ARHGEF10L: variants seen among roughly 807,000 people sequenced by gnomAD.
The protein encoded by ARHGEF10L is Rho guanine nucleotide exchange factor 10 like.
In ARHGEF10L, 69 loss-of-function variants were observed where a neutral mutation model predicts 141.2. That is an observed-to-expected ratio of 0.49 (90% CI 0.40 to 0.60). The LOEUF is 0.60. Ranked by LOEUF, ARHGEF10L falls within the 20% of genes least tolerant of loss-of-function variation. The probability of loss-of-function intolerance (pLI) is 0.00; values close to 1 mark genes in which losing one functional copy is unlikely to be tolerated. For synonymous variants in ARHGEF10L, 711 were observed against 718.5 expected (o/e 0.99, Z 0.17); for missense variants, 1,482 against 1,734.3 (o/e 0.85, Z 2.58).
chr1:17,659,029 G>A (rs1376532783), intron 25 of ARHGEF10L, among the ~76,000 whole-genome samples: 2 of 152,172 alleles, frequency 1.3e-5, no homozygotes, highest in Non-Finnish European at 2.9e-5. Flanking sequence ...AAGTGGCACT[G>A]GGCGTGACCC....
chr1:17,524,400 CACACACACACA>C, the ARHGEF10L span, among the ~76,000 whole-genome samples: 3 of 150,188 alleles, frequency 2.0e-5, no homozygotes, highest in Admixed American at 6.6e-5. Context: ...CACACACACA[CACACACACACA>C]CACACACACA....
At chr1:17,546,495 A>G (rs2076920361) in intron 1 of ARHGEF10L, among the ~76,000 whole-genome samples, 1 of 152,142 alleles carries the variant, frequency 6.6e-6, no homozygotes. Context: ...TCGATGAGGA[A>G]ATTGAGTCTC....
chr1:17,676,395 G>A (rs1212433422), intron 26 of ARHGEF10L, among the ~76,000 whole-genome samples: 2 of 148,786 alleles, frequency 1.3e-5, no homozygotes, highest in African/African-American at 5.0e-5. Context: ...TGCAGGTGTG[G>A]GTACAGGTGT....
chr1:17,530,496 A>T, the ARHGEF10L span, among the ~76,000 whole-genome samples: 1 of 152,110 alleles, frequency 6.6e-6, no homozygotes, highest in South Asian at 2.1e-4. Context: ...ATCAGCTGTT[A>T]TTGTCATTAT....
chr1:17,692,611 C>A (rs911151905), intron 27 of ARHGEF10L, among the ~76,000 whole-genome samples: 1 of 152,298 alleles, frequency 6.6e-6, no homozygotes, highest in South Asian at 2.1e-4. Flanking sequence ...CTCACTGCCG[C>A]CGCCCTTCCC....
chr1:17,517,276 G>A, the ARHGEF10L span, among the ~76,000 whole-genome samples: 33 of 152,306 alleles, frequency 2.2e-4, 1 homozygote, highest in East Asian at 6.0e-3. Context: ...TATAAAAAAG[G>A]GGAAATCTTG....
At chr1:17,681,405 A>T (rs2064118754) in intron 26 of ARHGEF10L, among the ~76,000 whole-genome samples, 1 of 152,164 alleles carries the variant, frequency 6.6e-6, no homozygotes, top group Admixed American at 6.5e-5. Flanking sequence ...TACTCCCCCA[A>T]ATGCCATCCA....
At position 17,627,578 on chromosome 1, in the gene ARHGEF10L, C is replaced by A; in HGVS notation, c.1584+75C>A. ...TGCTCCTGCCCGTGCCCCTGCCCCA[C>A]GCCACCCACACTAGGTGGCAGTGTT... On this transcript the variant is annotated intron_variant, in intron 15 of 28. Transcript: ENST00000361221. This position sits in a 1 kb window ranked among gnomAD's most constrained non-coding sequence, Gnocchi z 4.0. The A allele has an allele frequency of 6.6e-7, 1 of 1,525,868 alleles. No homozygotes were observed. Among genetic ancestry groups the A allele is most frequent in the Non-Finnish European group, 8.9e-7 (1 of 1,129,376 alleles). The allele number at this position is 1,525,868 out of a possible 1,614,324, so 94.5% of individuals were successfully genotyped here. A position where few individuals can be genotyped will look rare whatever the true frequency, so the allele number is the denominator to read the frequency against.
At chr1:17,667,631 A>G (rs1187596123) in intron 26 of ARHGEF10L, among the ~76,000 whole-genome samples, 1 of 152,232 alleles carries the variant, frequency 6.6e-6, no homozygotes, top group Non-Finnish European at 1.5e-5. Context: ...CCAAGGAAGA[A>G]TCTTTTAATG....
In ARHGEF10L at chr1:17,601,069, C is replaced by CAAA. The variant is rs1363064745; in HGVS notation, c.258-1054_258-1052dup. Among the ~76,000 whole-genome samples the CAAA allele has an allele frequency of 8.3e-4, 109 of 130,946 alleles. 2 individuals are homozygous for CAAA. Among genetic ancestry groups the CAAA allele is most frequent in the African/African-American group, 3.1e-3 (104 of 33,296 alleles). 85.9% of individuals were successfully genotyped at this position (130,946 alleles called of 152,430 possible). ...TGTCTCAAAAAAAAAAAAAAAAAAA[C>CAAA]AAAAAACAAAAAACTCTAAAAAAAC... On this transcript the variant is annotated intron_variant, in intron 4 of 28. Transcript: ENST00000361221.
At chr1:17,590,122 CT>C (rs2079402764) in intron 4 of ARHGEF10L, among the ~76,000 whole-genome samples, 1 of 152,122 alleles carries the variant, frequency 6.6e-6, no homozygotes, top group Admixed American at 6.5e-5. Context: ...TAAGTAGATG[CT>C]CATTCAGAAG....
At chr1:17,579,076 G>A (rs746579017) in intron 1 of ARHGEF10L, among the ~76,000 whole-genome samples, 4 of 151,910 alleles carry the variant, frequency 2.6e-5, no homozygotes, top group Admixed American at 1.3e-4. Context: ...ACTGGAGTGC[G>A]GTGGCACGGT....
rs575258759 is a variant in ARHGEF10L at position 17,575,067 on chromosome 1, G to C, written c.-43-5486G>C. Among the ~76,000 whole-genome samples the C allele has an allele frequency of 2.6e-5, 4 of 152,332 alleles. No individual in the cohort carries two copies. The South Asian group carries it at 6.2e-4, about 24-fold the overall frequency. On this transcript the variant is annotated intron_variant, in intron 1 of 28. Coordinates refer to ENST00000361221, the MANE Select transcript of ARHGEF10L (RefSeq NM_018125.4). ...TGGTTCCATGCTGGGTGGGTCCCAAGCAGGGGAAGGTCTCAGCTGTTGTCT... is the reference window on the plus strand; with the variant it reads ...TGGTTCCATGCTGGGTGGGTCCCAACCAGGGGAAGGTCTCAGCTGTTGTCT...
chr1:17,633,275 C>T (rs2060810693), intron 16 of ARHGEF10L, among the ~76,000 whole-genome samples: 1 of 152,218 alleles, frequency 6.6e-6, no homozygotes, highest in Non-Finnish European at 1.5e-5. Flanking sequence ...TCCCTGAGAA[C>T]TTCAGCTGTG....
chr1:17,551,236 T>G (rs2077100672), intron 1 of ARHGEF10L, among the ~76,000 whole-genome samples: 1 of 152,148 alleles, frequency 6.6e-6, no homozygotes, highest in Non-Finnish European at 1.5e-5. Flanking sequence ...TGCTGTGCAC[T>G]GGGCAAGGAA....
intron 2 of ARHGEF10L, among the ~76,000 whole-genome samples, chr1:17,583,751 G>A (rs1454099941): frequency 6.6e-6 from 1 of 152,184 alleles, no homozygotes; most frequent in Non-Finnish European, 1.5e-5. Flanking sequence ...AGGACCAGTG[G>A]GCACTGAGAG....
chr1:17,576,436 G>A (rs902590863), intron 1 of ARHGEF10L, among the ~76,000 whole-genome samples: 16 of 152,130 alleles, frequency 1.1e-4, no homozygotes, highest in Non-Finnish European at 1.6e-4. Flanking sequence ...CCCCATAGCC[G>A]GGAGCTGGGG....
At chr1:17,696,791 C>G in intron 28 of ARHGEF10L, 57 bp from the exon 29 acceptor site, 3 of 1,438,828 alleles carry the variant, frequency 2.1e-6, no homozygotes, top group Non-Finnish European at 2.8e-6. Context: ...GACTCAGGTG[C>G]TTCCCTTAAT....
At chr1:17,622,368 G>A (rs914346433) in intron 11 of ARHGEF10L, among the ~76,000 whole-genome samples, 3 of 151,932 alleles carry the variant, frequency 2.0e-5, no homozygotes, top group African/African-American at 7.3e-5. Context: ...TTTGCATCAG[G>A]AGGCCCAGGG....
Sources: gnomAD v4.1 joint callset for allele counts (sites outside exome capture counted in the v4.1 genomes callset) on GRCh38, gnomAD v4.1.1 for gene constraint, Gnocchi (gnomAD v3.1) non-coding constraint, MANE v1.5 for transcripts, NCBI Gene and HGNC (gene_info 2026-07-23, HGNC 2026-07-21) for gene names.